The following PLCB1 variants were observed in gnomAD, a reference collection of about 807,000 sequenced individuals.
The protein encoded by PLCB1 is phospholipase C beta 1, also known as 1-phosphatidylinositol 4,5-bisphosphate phosphodiesterase beta-1.
Under a neutral mutation model 161.8 loss-of-function variants are expected in PLCB1, and 46 were observed. The observed-to-expected ratio is 0.28, with a 90% CI of 0.22 to 0.36. The LOEUF is 0.36. PLCB1 is among the 10% of genes least tolerant of loss of function. The probability of loss-of-function intolerance (pLI) is 1.00; values close to 1 mark genes in which losing one functional copy is unlikely to be tolerated. For synonymous variants in PLCB1, 517 were observed against 503.7 expected, an observed-to-expected ratio of 1.03 and a Z score of -0.35; for missense variants, 1,016 against 1,472.5, an observed-to-expected ratio of 0.69 and a Z score of 5.07.
chr20:8,327,562 G>A (rs1437733082), intron 2 of PLCB1, among the ~76,000 whole-genome samples: 2 of 152,170 alleles, frequency 1.3e-5, no homozygotes, highest in Admixed American at 1.3e-4. Context: ...GAAAACCTGG[G>A]TATTGGAAAA....
intron 3 of PLCB1, among the ~76,000 whole-genome samples, chr20:8,511,137 C>T (rs569174203): frequency 9.3e-4 from 142 of 152,272 alleles, no homozygotes; most frequent in Non-Finnish European, 1.4e-3. Flanking sequence ...ATCTCTGTCT[C>T]AGCCTCTGGT....
chr20:8,147,163 G>T (rs1418787899), intron 1 of PLCB1, among the ~76,000 whole-genome samples: 2 of 152,128 alleles, frequency 1.3e-5, no homozygotes, highest in African/African-American at 4.8e-5. Flanking sequence ...ATCACCATGA[G>T]CTTCTTAGAA....
In PLCB1 at chr20:8,679,522, A is replaced by G. The variant is rs148443863; in HGVS notation, c.863-5410A>G. Among the ~76,000 whole-genome samples, 415 of 152,314 alleles carry G rather than the reference A, an allele frequency of 2.7e-3. 1 individual carries two copies. The highest frequency in any genetic ancestry group is 6.8e-3 in the Middle Eastern group (2 of 292). On this transcript the variant is annotated intron_variant, in intron 9 of 31. Transcript: ENST00000338037. ...GCATGATGGCATCCAGCTGAGTGTCACTGGATACACTTCAGGGTTTTAAAG... is the reference window on the plus strand; with the variant it reads ...GCATGATGGCATCCAGCTGAGTGTCGCTGGATACACTTCAGGGTTTTAAAG...
intron 3 of PLCB1, among the ~76,000 whole-genome samples, chr20:8,560,461 A>T (rs8115100): frequency 0.01 from 1,504 of 147,160 alleles, 28 homozygotes; most frequent in African/African-American, 0.039. Flanking sequence ...GAAAGGTTTT[A>T]AAAAAAAATA....
intron 2 of PLCB1, among the ~76,000 whole-genome samples, chr20:8,315,969 A>G (rs951547691): frequency 6.6e-6 from 1 of 152,162 alleles, no homozygotes; most frequent in African/African-American, 2.4e-5. Flanking sequence ...TCTTAACTAA[A>G]TCTGCCAGCT....
At chr20:8,834,981 G>A (rs1409609733) in intron 31 of PLCB1, among the ~76,000 whole-genome samples, 1 of 152,068 alleles carries the variant, frequency 6.6e-6, no homozygotes, top group East Asian at 1.9e-4. Flanking sequence ...CCACATTAGG[G>A]AGGGTAATCT....
chr20:8,526,903 A>G (rs1216825824), intron 3 of PLCB1, among the ~76,000 whole-genome samples: 1 of 151,864 alleles, frequency 6.6e-6, no homozygotes, highest in Non-Finnish European at 1.5e-5. Context: ...TTCACCCCTC[A>G]TCTTTAGCAG....
chr20:8,437,114 G>C (rs975190904), intron 3 of PLCB1, among the ~76,000 whole-genome samples: 2 of 152,012 alleles, frequency 1.3e-5, no homozygotes, highest in African/African-American at 4.8e-5. Flanking sequence ...TTAATGATCT[G>C]TTCAGCCAGG....
chr20:8,164,712 G>C (rs2051658768), intron 2 of PLCB1, among the ~76,000 whole-genome samples: 1 of 152,140 alleles, frequency 6.6e-6, no homozygotes, highest in Non-Finnish European at 1.5e-5. Flanking sequence ...TTGTTATCTT[G>C]TTCCCATGAA....
At chr20:8,502,307 G>A (rs1466815449) in intron 3 of PLCB1, among the ~76,000 whole-genome samples, 1 of 151,990 alleles carries the variant, frequency 6.6e-6, no homozygotes, top group Non-Finnish European at 1.5e-5. Context: ...TCTTATTCTT[G>A]TCAGCACTGC....
At chr20:8,645,972 T>TACAAA in intron 4 of PLCB1, 130 bp from the exon 5 acceptor site, 1 of 608,836 alleles carries the variant, frequency 1.6e-6, no homozygotes, top group Non-Finnish European at 2.9e-6. Flanking sequence ...GGGATAATAA[T>TACAAA]ACAAAACAAA....
chr20:8,833,498 G>C (rs568512757), intron 31 of PLCB1, among the ~76,000 whole-genome samples: 1 of 152,116 alleles, frequency 6.6e-6, no homozygotes, highest in African/African-American at 2.4e-5. Context: ...AAACCATATC[G>C]ATGTATGTCC....
At chr20:8,572,511 C>G (rs1986552641) in intron 3 of PLCB1, among the ~76,000 whole-genome samples, 1 of 152,120 alleles carries the variant, frequency 6.6e-6, no homozygotes, top group Non-Finnish European at 1.5e-5. Flanking sequence ...ATGTGAGAAC[C>G]TGGAGATGTA....
rs533625001 is a variant in PLCB1 at position 8,531,823 on chromosome 20, T to C, written c.247-96471T>C. Among the ~76,000 whole-genome samples, 3 of 152,188 alleles carry C rather than the reference T, an allele frequency of 2.0e-5. No homozygotes were observed. The South Asian group carries it at 6.2e-4, about 32-fold the overall frequency. On this transcript the variant is annotated intron_variant, in intron 3 of 31. Transcript: ENST00000338037. ...TTGTGATGATGTTATATATCAGAAATAAAAAATTGTTTCCACTCATCCAAA... is the reference window on the plus strand; with the variant it reads ...TTGTGATGATGTTATATATCAGAAACAAAAAATTGTTTCCACTCATCCAAA...
intron 2 of PLCB1, among the ~76,000 whole-genome samples, chr20:8,348,722 A>G (rs976290060): frequency 2.0e-5 from 3 of 152,196 alleles, no homozygotes; most frequent in African/African-American, 7.2e-5. Context: ...TTAGAAACTT[A>G]CAGCTGAGCT....
At chr20:8,821,540 TA>T (rs1985411941) in intron 31 of PLCB1, among the ~76,000 whole-genome samples, 2 of 91,490 alleles carry the variant, frequency 2.2e-5, no homozygotes, top group Non-Finnish European at 3.9e-5. Context: ...TATATATATA[TA>T]TATATATATA....
chr20:8,628,460 A>G (rs1027789507), intron 4 of PLCB1, 29 bp downstream of exon 4: 10 of 1,611,308 alleles, frequency 6.2e-6, no homozygotes, highest in Non-Finnish European at 8.5e-6. Flanking sequence ...GCTAAAGCTT[A>G]TCATCATGAT....
At chr20:8,813,019 C>T (rs59143699) in intron 31 of PLCB1, among the ~76,000 whole-genome samples, 4,025 of 152,192 alleles carry the variant, frequency 0.026, 169 homozygotes, top group African/African-American at 0.092. Context: ...GCCAGCTACT[C>T]GGAGTCAATT....
At chr20:8,344,129 A>C (rs1270763638) in intron 2 of PLCB1, among the ~76,000 whole-genome samples, 1 of 152,092 alleles carries the variant, frequency 6.6e-6, no homozygotes, top group East Asian at 1.9e-4. Context: ...TGCAAGGATT[A>C]TTTGTTGTTG....
Sources: allele counts gnomAD v4.1 joint callset (sites outside exome capture counted in the v4.1 genomes callset), GRCh38; gene constraint gnomAD v4.1.1; transcripts MANE v1.5; gene names NCBI Gene and HGNC (gene_info 2026-07-23, HGNC 2026-07-21).